TMEM63B: variants seen among roughly 807,000 people sequenced by gnomAD.
TMEM63B encodes transmembrane protein 63B, also known as mechanosensitive cation channel TMEM63B.
A neutral mutation model predicts 102.6 loss-of-function variants in TMEM63B; 23 were observed. The observed-to-expected ratio is 0.22, with a 90% CI of 0.16 to 0.32. TMEM63B has a LOEUF of 0.32. Ranked by LOEUF, TMEM63B falls within the 10% of genes least tolerant of loss-of-function variation. The probability of loss-of-function intolerance (pLI) is 1.00; values close to 1 mark genes in which losing one functional copy is unlikely to be tolerated. For missense variants in TMEM63B, 628 were observed against 1,095.9 expected (o/e 0.57, Z 6.03); for synonymous variants, 444 against 437.0 (o/e 1.02, Z -0.20).
Position 44,139,768 on chromosome 6 carries a change from C to A in TMEM63B, c.602+9C>A, listed in dbSNP as rs139340075. ...GCCAACTTGAAATCAGGGTAAGATGCGAAGCTGGTCGGCCAGGCCAAGGTC... is the reference window on the plus strand; with the variant it reads ...GCCAACTTGAAATCAGGGTAAGATGAGAAGCTGGTCGGCCAGGCCAAGGTC... On this transcript the variant is annotated intron_variant, in intron 8 of 23. Coordinates refer to ENST00000323267, the MANE Select transcript of TMEM63B (RefSeq NM_018426.3). 6.2e-7 allele frequency: 1 copy of A among 1,614,092 alleles called. No individual in the cohort carries two copies. Among genetic ancestry groups the A allele is most frequent in the Non-Finnish European group, 8.5e-7 (1 of 1,180,036 alleles).
chr6:44,152,529 CT>C lies in TMEM63B; in HGVS notation c.1837-62del. On this transcript the variant is annotated intron_variant, in intron 19 of 23. Transcript: ENST00000323267. This position sits in a 1 kb window ranked among gnomAD's most constrained non-coding sequence, Gnocchi z 6.4. ...GTCCTGGCTCCCTTCCCCCTCCCTC[CT>C]TCCCTGCCCCTCTGGTCAGTCCCTG... The C allele has an allele frequency of 2.4e-6, 3 of 1,270,444 alleles. No individual in the cohort carries two copies. The highest frequency in any genetic ancestry group is 3.4e-6 in the Non-Finnish European group (3 of 882,766). 78.7% of individuals were successfully genotyped at this position (1,270,444 alleles called of 1,614,324 possible). A position where few individuals can be genotyped will look rare whatever the true frequency, so the allele number is the denominator to read the frequency against.
intron 1 of TMEM63B, among the ~76,000 whole-genome samples, chr6:44,134,130 G>A (rs1009186391): frequency 6.6e-6 from 1 of 152,122 alleles, no homozygotes; most frequent in African/African-American, 2.4e-5. Context: ...CTCCCCTGAC[G>A]TGGAGACCCC....
At chr6:44,143,185 G>A (rs1180463073) in intron 10 of TMEM63B, among the ~76,000 whole-genome samples, 1 of 152,226 alleles carries the variant, frequency 6.6e-6, no homozygotes, top group Non-Finnish European at 1.5e-5. Context: ...TCCAGAGCCT[G>A]TGTTAGAAGA....
rs971315082 is a variant in TMEM63B, at chr6:44,152,754, C to T, written c.1942+56C>T. 2.8e-6 allele frequency: 4 copies of T among 1,440,968 alleles called. No homozygotes were observed. The highest frequency in any genetic ancestry group is 2.3e-5 in the East Asian group (1 of 44,016). 89.3% of individuals were successfully genotyped at this position (1,440,968 alleles called of 1,614,324 possible). ...TGCTCGGGGGGACCCAGGACTTCAC[C>T]CTCTCCACTCTAGGAATGCAGGCCA... On this transcript the variant is annotated intron_variant, in intron 20 of 23. Transcript: ENST00000323267. The surrounding 1 kb of genome is among the most constrained non-coding windows in gnomAD (Gnocchi z 6.4).
chr6:44,138,946 CA>C (rs949765958), intron 6 of TMEM63B: 1 of 254,240 alleles, frequency 3.9e-6, no homozygotes. Context: ...GCACTGCCGC[CA>C]CCACTCCCCC....
chr6:44,126,978 A>G (rs963445434), upstream of TMEM63B: 1 of 152,260 alleles, frequency 6.6e-6, no homozygotes, highest in Non-Finnish European at 1.5e-5. Context: ...GGAGCGCGGA[A>G]AGCGGAGAAG....
chr6:44,149,990 A>G (rs4711768), intron 16 of TMEM63B, 25 bp downstream of exon 16: 406,926 of 1,595,676 alleles, frequency 0.26, 53,073 homozygotes, highest in Admixed American at 0.35. Flanking sequence ...CTCACACCAC[A>G]CCTCGCTGTG....
At chr6:44,139,795 A>G (rs759062304) in intron 8 of TMEM63B, 36 bp downstream of exon 8, 4 of 1,613,644 alleles carry the variant, frequency 2.5e-6, no homozygotes, top group Non-Finnish European at 3.4e-6. Flanking sequence ...GCCAAGGTCT[A>G]CGACCAGAGT....
chr6:44,149,048 T>G, intron 15 of TMEM63B, 103 bp downstream of exon 15: 1 of 1,571,218 alleles, frequency 6.4e-7, no homozygotes, highest in South Asian at 1.1e-5. Context: ...TTCTGCTTGT[T>G]CCAACCCCGT....
intron 1 of TMEM63B, among the ~76,000 whole-genome samples, chr6:44,130,239 G>A (rs1778004704): frequency 6.6e-6 from 1 of 152,138 alleles, no homozygotes; most frequent in Non-Finnish European, 1.5e-5. Context: ...TCCTTATCTG[G>A]GTCTACCACA....
At chr6:44,138,573 C>G in intron 6 of TMEM63B, 56 bp downstream of exon 6, 1 of 1,608,592 alleles carries the variant, frequency 6.2e-7, no homozygotes, top group South Asian at 1.1e-5. Context: ...AACCTGGCAT[C>G]TCCCTACAAA....
At chr6:44,134,472 T>G in intron 1 of TMEM63B, 89 bp from the exon 2 acceptor site, 1 of 1,377,506 alleles carries the variant, frequency 7.3e-7, no homozygotes, top group Non-Finnish European at 9.8e-7. Flanking sequence ...CCTGGTGATC[T>G]GTCCTCACTG....
chr6:44,129,455 G>A (rs1273933095), intron 1 of TMEM63B, among the ~76,000 whole-genome samples: 1 of 152,108 alleles, frequency 6.6e-6, no homozygotes, highest in African/African-American at 2.4e-5. Flanking sequence ...AATCAAACAA[G>A]GTAACAGAAG....
intron 18 of TMEM63B, among the ~76,000 whole-genome samples, chr6:44,151,125 G>A (rs1766514270): frequency 1.3e-5 from 2 of 152,114 alleles, no homozygotes. Flanking sequence ...AACTCTGGGG[G>A]TGTCTGTGGG....
chr6:44,131,355 C>A (rs371338292), intron 1 of TMEM63B, among the ~76,000 whole-genome samples: 2 of 152,120 alleles, frequency 1.3e-5, no homozygotes, highest in Admixed American at 1.3e-4. Context: ...TAACAGAGCT[C>A]GCTTCCATCT....
At chr6:44,140,816 C>A (rs982000224) in intron 9 of TMEM63B, among the ~76,000 whole-genome samples, 2 of 152,114 alleles carry the variant, frequency 1.3e-5, no homozygotes, top group African/African-American at 4.8e-5. Context: ...AGGCTCACTG[C>A]CTGATTTCTG....
rs1376868040 is a variant in TMEM63B at position 44,134,632 on chromosome 6, C to T, written c.48C>T (p.Asn16=). 1.2e-6 allele frequency: 2 copies of T among 1,614,076 alleles called. No individual in the cohort carries two copies. The highest frequency in any genetic ancestry group is 1.7e-6 in the Non-Finnish European group (2 of 1,180,044). The change falls in exon 2 of 24, where the codon AAC becomes AAT. Residue 16 remains asparagine (N), a synonymous_variant. Transcript: ENST00000323267. ...LATLGTTALN[N]SNPKDYCYSA... Reference sequence around the variant, plus strand: ...CACTGGGCACCACAGCCCTCAACAACAGCAACCCCAAGGACTACTGCTACA... The same window carrying T: ...CACTGGGCACCACAGCCCTCAACAATAGCAACCCCAAGGACTACTGCTACA...
chr6:44,127,814 G>A (rs932967930), intron 1 of TMEM63B, 136 bp downstream of exon 1: 2 of 150,970 alleles, frequency 1.3e-5, no homozygotes, highest in Non-Finnish European at 3.0e-5. Context: ...CGGGCCCGCG[G>A]GACCCAGGGG....
chr6:44,141,128 A>C, intron 10 of TMEM63B, 30 bp downstream of exon 10: 4 of 1,607,564 alleles, frequency 2.5e-6, no homozygotes, highest in Non-Finnish European at 3.4e-6. Context: ...CCCTACCCTC[A>C]AGCCCTGCTG....
Sources: allele counts gnomAD v4.1 joint callset (sites outside exome capture counted in the v4.1 genomes callset), GRCh38; gene constraint gnomAD v4.1.1; non-coding constraint Gnocchi (gnomAD v3.1); transcripts MANE v1.5; gene names NCBI Gene and HGNC (gene_info 2026-07-23, HGNC 2026-07-21).